Variants in STXBP5L observed in about 807,000 individuals in gnomAD.
STXBP5L encodes the protein syntaxin-binding protein 5-like.
STXBP5L carries 65 observed loss-of-function variants against 144.5 expected under a neutral mutation model. That is an observed-to-expected ratio of 0.45 (90% CI 0.37 to 0.55). STXBP5L has a LOEUF of 0.55. Among genes scored for constraint, STXBP5L ranks in the 20% least tolerant of loss-of-function variants. The pLI is 0.00. For missense variants in STXBP5L, 1,298 were observed against 1,405.5 expected, an observed-to-expected ratio of 0.92 and a Z score of 1.22; for synonymous variants, 505 against 469.6, an observed-to-expected ratio of 1.08 and a Z score of -0.97.
chr3:121,034,926 G>C (rs1203657876), intron 3 of STXBP5L, among the ~76,000 whole-genome samples: 1 of 152,032 alleles, frequency 6.6e-6, no homozygotes, highest in East Asian at 1.9e-4. Context: ...GACATAAGAT[G>C]ATATCTCATT....
At chr3:120,923,064 T>C (rs920688615) in intron 2 of STXBP5L, among the ~76,000 whole-genome samples, 2 of 152,062 alleles carry the variant, frequency 1.3e-5, no homozygotes, top group Non-Finnish European at 2.9e-5. Context: ...CTCTTCTTGG[T>C]TCAATCTTGG....
In STXBP5L at chr3:121,420,327, T is replaced by A. The variant is rs1472025289; in HGVS notation, c.*1230T>A. 6.6e-6 allele frequency: 1 copy of A among 152,186 alleles called. No individual in the cohort carries two copies. The highest frequency in any genetic ancestry group is 2.1e-4 in the South Asian group (1 of 4,832). 9.4% of individuals were successfully genotyped at this position (152,186 alleles called of 1,614,324 possible). On this transcript the variant is annotated 3_prime_UTR_variant, in exon 27 of 27. Transcript: ENST00000471454. ...ATAAAATATAGTGATCTGTTTGCTATCTTGGTCTCAGTCATCATTATAGAC... is the reference window on the plus strand; with the variant it reads ...ATAAAATATAGTGATCTGTTTGCTAACTTGGTCTCAGTCATCATTATAGAC...
chr3:120,997,081 T>A (rs182732360), intron 3 of STXBP5L, among the ~76,000 whole-genome samples: 16 of 152,278 alleles, frequency 1.1e-4, no homozygotes. Flanking sequence ...ACATGCTTAG[T>A]ATAATGGCCT....
intron 16 of STXBP5L, among the ~76,000 whole-genome samples, chr3:121,256,677 A>G (rs2050216062): frequency 6.6e-6 from 1 of 151,978 alleles, no homozygotes; most frequent in Admixed American, 6.6e-5. Flanking sequence ...AAAGGCTTTA[A>G]ACAAGTAATT....
chr3:121,052,663 G>C (rs924053709), intron 5 of STXBP5L, among the ~76,000 whole-genome samples: 2 of 152,098 alleles, frequency 1.3e-5, no homozygotes, highest in Non-Finnish European at 2.9e-5. Flanking sequence ...AAAACTGGAA[G>C]CATTCCCTTT....
intron 3 of STXBP5L, among the ~76,000 whole-genome samples, chr3:121,020,500 A>G (rs1426066063): frequency 1.3e-5 from 2 of 152,186 alleles, no homozygotes; most frequent in Admixed American, 1.3e-4. Context: ...TAATCTTAAG[A>G]GCTGTGAGGC....
At chr3:121,023,826 G>A (rs1436560360) in intron 3 of STXBP5L, among the ~76,000 whole-genome samples, 3 of 152,088 alleles carry the variant, frequency 2.0e-5, no homozygotes, top group Admixed American at 2.0e-4. Context: ...TGCAATCTTG[G>A]CTCACTGCAA....
intron 3 of STXBP5L, among the ~76,000 whole-genome samples, chr3:121,009,430 G>T (rs1262685275): frequency 1.3e-5 from 2 of 151,928 alleles, no homozygotes; most frequent in African/African-American, 4.8e-5. Context: ...TCCATACCAA[G>T]TTTATGACTA....
chr3:121,088,042 A>G (rs2042585738), intron 5 of STXBP5L, among the ~76,000 whole-genome samples: 1 of 152,156 alleles, frequency 6.6e-6, no homozygotes, highest in African/African-American at 2.4e-5. Context: ...AGCTTTAACC[A>G]TCAAATATAA....
chr3:121,110,347 G>C (rs1434680938), intron 5 of STXBP5L, among the ~76,000 whole-genome samples: 1 of 152,088 alleles, frequency 6.6e-6, no homozygotes. Context: ...GCTGGTAACA[G>C]TTTTTTGTTT....
At chr3:121,065,855 G>C (rs1253683062) in intron 5 of STXBP5L, among the ~76,000 whole-genome samples, 2 of 152,130 alleles carry the variant, frequency 1.3e-5, no homozygotes, top group African/African-American at 4.8e-5. Flanking sequence ...TTTTGTTGTT[G>C]GTAGCATTCA....
intron 6 of STXBP5L, among the ~76,000 whole-genome samples, chr3:121,120,717 G>C (rs1340757866): frequency 6.6e-6 from 1 of 151,166 alleles, no homozygotes; most frequent in Non-Finnish European, 1.5e-5. Flanking sequence ...ATTCCAAATA[G>C]TTTCTAAGAT....
At chr3:120,915,829 A>G (rs1709074231) in intron 2 of STXBP5L, among the ~76,000 whole-genome samples, 1 of 152,156 alleles carries the variant, frequency 6.6e-6, no homozygotes. Flanking sequence ...TAGAGAAGGT[A>G]GTTATAAAGA....
intron 3 of STXBP5L, among the ~76,000 whole-genome samples, chr3:121,039,545 T>C (rs906222867): frequency 6.6e-6 from 1 of 151,968 alleles, no homozygotes; most frequent in African/African-American, 2.4e-5. Flanking sequence ...TCTTTTTTCC[T>C]TTTTGTATAT....
rs539339618 is a variant in STXBP5L, at chr3:121,036,105, G to A, written c.288-5595G>A. The stretch of plus-strand genomic sequence containing the variant: ...TCCAGCACTTTGGGCGGCTGAGGTG[G>A]GCAGATCACTTGAGGTCAGGAGTTT... On this transcript the variant is annotated intron_variant, in intron 3 of 26. Transcript: ENST00000471454. Among the ~76,000 whole-genome samples the A allele has an allele frequency of 2.6e-5, 4 of 152,220 alleles. No homozygotes were observed. The South Asian group carries it at 8.3e-4, about 32-fold the overall frequency.
At chr3:121,322,705 G>T (rs952568194) in intron 20 of STXBP5L, among the ~76,000 whole-genome samples, 4 of 151,876 alleles carry the variant, frequency 2.6e-5, no homozygotes, top group Non-Finnish European at 5.9e-5. Flanking sequence ...AGGGGGTGCG[G>T]ATATATGCCC....
At chr3:121,191,189 G>A (rs556798290) in intron 9 of STXBP5L, among the ~76,000 whole-genome samples, 20 of 152,262 alleles carry the variant, frequency 1.3e-4, no homozygotes, top group Non-Finnish European at 2.1e-4. Context: ...CAAGGCAGGC[G>A]GCTGGCAGGT....
intron 5 of STXBP5L, among the ~76,000 whole-genome samples, chr3:121,102,641 G>A (rs1461759303): frequency 6.6e-6 from 1 of 151,994 alleles, no homozygotes; most frequent in Non-Finnish European, 1.5e-5. Context: ...ATTGGCCTTG[G>A]GAAAGAATTT....
chr3:121,066,259 T>A (rs895581272), intron 5 of STXBP5L, among the ~76,000 whole-genome samples: 1 of 152,092 alleles, frequency 6.6e-6, no homozygotes, highest in Non-Finnish European at 1.5e-5. Context: ...AGGGGGAATG[T>A]TTTCATTATT....
Sources: allele counts gnomAD v4.1 joint callset (sites outside exome capture counted in the v4.1 genomes callset), GRCh38; gene constraint gnomAD v4.1.1; transcripts MANE v1.5; gene names NCBI Gene and HGNC (gene_info 2026-07-23, HGNC 2026-07-21).